NPTN: variants seen among roughly 807,000 people sequenced by gnomAD.
NPTN encodes the protein neuroplastin, also known as SDR-1.
NPTN carries 5 observed loss-of-function variants against 42.7 expected under a neutral mutation model. The ratio of observed to expected loss-of-function variants is 0.12; its 90% CI spans 0.06 to 0.25. The LOEUF is 0.25. Ranked by LOEUF, NPTN falls within the 10% of genes least tolerant of loss-of-function variation. The pLI, the probability that NPTN is intolerant of heterozygous loss-of-function variation, is 1.00. For missense variants in NPTN, 307 were observed against 525.4 expected, an observed-to-expected ratio of 0.58 and a Z score of 4.06; for synonymous variants, 180 against 201.9, an observed-to-expected ratio of 0.89 and a Z score of 0.92.
chr15:73,613,069 C>A (rs1278358689), intron 1 of NPTN, among the ~76,000 whole-genome samples: 2 of 152,284 alleles, frequency 1.3e-5, no homozygotes, highest in East Asian at 3.9e-4. Context: ...TTACAGGGAA[C>A]CTGGAGGATG....
intron 6 of NPTN, among the ~76,000 whole-genome samples, chr15:73,566,779 G>A (rs1895036518): frequency 6.6e-6 from 1 of 152,192 alleles, no homozygotes; most frequent in Non-Finnish European, 1.5e-5. Context: ...GTCAAGTGGT[G>A]AGTCAAGTGA....
At chr15:73,589,635 T>C (rs868046331) in intron 3 of NPTN, among the ~76,000 whole-genome samples, 1 of 152,098 alleles carries the variant, frequency 6.6e-6, no homozygotes, top group South Asian at 2.1e-4. Context: ...TACTGCACTA[T>C]TTAATGTCTA....
chr15:73,589,443 A>G (rs992417500), intron 3 of NPTN, among the ~76,000 whole-genome samples: 6 of 152,194 alleles, frequency 3.9e-5, no homozygotes, highest in East Asian at 1.9e-4. Context: ...TCAACTACAC[A>G]TCAACTCAGT....
chr15:73,579,051 C>T (rs1405499167), intron 4 of NPTN, among the ~76,000 whole-genome samples: 2 of 147,754 alleles, frequency 1.4e-5, no homozygotes, highest in Non-Finnish European at 3.0e-5. Context: ...AAGGCTGAGG[C>T]AGGCGGATCA....
chr15:73,568,238 A>G (rs910723168), intron 6 of NPTN: 1 of 985,362 alleles, frequency 1.0e-6, no homozygotes, highest in Admixed American at 6.1e-5. Context: ...TTCTTAGGGC[A>G]AAGACTAGAC....
chr15:73,568,570 T>C, intron 6 of NPTN: 1 of 985,364 alleles, frequency 1.0e-6, no homozygotes, highest in Non-Finnish European at 1.2e-6. Context: ...GGAGTCCTAA[T>C]ATGTAGCAGG....
At position 73,612,355 on chromosome 15, in the gene NPTN, G is replaced by T. The variant is rs1236113636; in HGVS notation, c.92-14986C>A. Among the ~76,000 whole-genome samples, 5 of 149,646 alleles carry T rather than the reference G, an allele frequency of 3.3e-5. No individual in the cohort carries two copies. In the East Asian group the frequency reaches 9.8e-4, roughly 29 times the overall value. ...GAACACCTGGACCCAGGAGGTCGAA[G>T]CTGCAATAAACCGTGATCACACCAC... On this transcript the variant is annotated intron_variant, in intron 1 of 8. Coordinates refer to ENST00000345330, the MANE Select transcript of NPTN (RefSeq NM_012428.4).
At chr15:73,612,778 T>C (rs1356580718) in intron 1 of NPTN, among the ~76,000 whole-genome samples, 6 of 151,826 alleles carry the variant, frequency 4.0e-5, no homozygotes, top group Admixed American at 3.9e-4. Context: ...CAAAAATAAA[T>C]AAATAAATAA....
At chr15:73,608,890 G>A (rs951661111) in intron 1 of NPTN, among the ~76,000 whole-genome samples, 1 of 152,218 alleles carries the variant, frequency 6.6e-6, no homozygotes, top group Non-Finnish European at 1.5e-5. Flanking sequence ...AAAGCAGGCT[G>A]AGCTGGCTTT....
chr15:73,607,996 C>A (rs1188719968), intron 1 of NPTN, among the ~76,000 whole-genome samples: 2 of 152,172 alleles, frequency 1.3e-5, no homozygotes, highest in African/African-American at 4.8e-5. Context: ...AAGAGCCACA[C>A]AGATGTTTCT....
At chr15:73,600,846 G>T (rs1205470869) in intron 1 of NPTN, among the ~76,000 whole-genome samples, 2 of 152,140 alleles carry the variant, frequency 1.3e-5, no homozygotes, top group Non-Finnish European at 2.9e-5. Context: ...AAAGCAACTG[G>T]GGGGAGGGTG....
chr15:73,567,167 T>C, intron 6 of NPTN: 1 of 985,090 alleles, frequency 1.0e-6, no homozygotes. Flanking sequence ...TTAGTGCTTT[T>C]GTAGTAAGGG....
At chr15:73,588,131 T>C (rs1000406410) in intron 3 of NPTN, among the ~76,000 whole-genome samples, 21 of 152,154 alleles carry the variant, frequency 1.4e-4, no homozygotes, top group Admixed American at 9.8e-4. Flanking sequence ...TCCCAGCTAC[T>C]CGGGAGGCTG....
chr15:73,596,560 C>T (rs1896843247), intron 2 of NPTN, among the ~76,000 whole-genome samples: 1 of 151,948 alleles, frequency 6.6e-6, no homozygotes, highest in East Asian at 1.9e-4. Context: ...GGGAGAGAAA[C>T]AAAAATAGAA....
At chr15:73,609,130 G>A (rs1188380869) in intron 1 of NPTN, among the ~76,000 whole-genome samples, 1 of 152,134 alleles carries the variant, frequency 6.6e-6, no homozygotes, top group Admixed American at 6.5e-5. Flanking sequence ...CTTTCACTAG[G>A]ATAAAATACC....
In NPTN at chr15:73,633,264, G is replaced by C; in HGVS notation, c.-49C>G. 1 of 1,343,280 alleles carries C rather than the reference G, an allele frequency of 7.4e-7. No individual in the cohort carries two copies. The highest frequency in any genetic ancestry group is 1.0e-6 in the Non-Finnish European group (1 of 1,001,698). The allele number at this position is 1,343,280 out of a possible 1,614,324, so 83.2% of individuals were successfully genotyped here. On this transcript the variant is annotated 5_prime_UTR_variant, in exon 1 of 9. Transcript: ENST00000345330. ...GCGAATGGGCCGGGGCCAGAGCCGG[G>C]GCCGGGGAAGGGAGGGGAGGGAGGG...
At position 73,560,267 on chromosome 15, in the gene NPTN, G is replaced by GA; in HGVS notation, c.*795dup. 1 of 164,412 alleles carries GA rather than the reference G, an allele frequency of 6.1e-6. No homozygotes were observed. Among genetic ancestry groups the GA allele is most frequent in the Non-Finnish European group, 1.3e-5 (1 of 76,246 alleles). The allele number at this position is 164,412 out of a possible 1,614,324, so 10.2% of individuals were successfully genotyped here. On this transcript the variant is annotated 3_prime_UTR_variant, in exon 9 of 9. Transcript: ENST00000345330. ...CATTTCAAGGTCATTGGAAACAAAA[G>GA]AAAAATTATAAAAGTTTGCCTTGAT...
intron 6 of NPTN, chr15:73,568,156 G>C: frequency 1.0e-6 from 1 of 985,378 alleles, no homozygotes; most frequent in Non-Finnish European, 1.2e-6. Flanking sequence ...TTATCCAACA[G>C]AACAATCCTA....
At chr15:73,567,282 T>G (rs1191983560) in intron 6 of NPTN, 16 of 985,204 alleles carry the variant, frequency 1.6e-5, no homozygotes. Context: ...ATCTTGATAA[T>G]AAAGTGCTAT....
Sources: allele counts gnomAD v4.1 joint callset (sites outside exome capture counted in the v4.1 genomes callset), GRCh38; gene constraint gnomAD v4.1.1; transcripts MANE v1.5; gene names NCBI Gene and HGNC (gene_info 2026-07-23, HGNC 2026-07-21).